Variants in TENT4B observed in about 807,000 individuals in gnomAD.
TENT4B encodes terminal nucleotidyltransferase 4B.
Under a neutral mutation model 75.0 loss-of-function variants are expected in TENT4B, and 10 were observed. That is an observed-to-expected ratio of 0.13 (90% CI 0.08 to 0.23). The LOEUF (loss-of-function observed/expected upper bound fraction) is 0.23. Ranked by LOEUF, TENT4B falls within the 10% of genes least tolerant of loss-of-function variation. TENT4B has a pLI of 1.00. For synonymous variants in TENT4B, 350 were observed against 357.7 expected (o/e 0.98, Z 0.24); for missense variants, 579 against 893.8 (o/e 0.65, Z 4.49).
In TENT4B at chr16:50,233,327, T is replaced by C. The variant is rs1301807584; in HGVS notation, c.*3999T>C. The C allele has an allele frequency of 1.0e-6, 1 of 985,300 alleles. No homozygotes were observed. The highest frequency in any genetic ancestry group is 1.7e-5 in the African/African-American group (1 of 57,234). The allele number at this position is 985,300 out of a possible 1,614,324, so 61.0% of individuals were successfully genotyped here. A position where few individuals can be genotyped will look rare whatever the true frequency, so the allele number is the denominator to read the frequency against. On this transcript the variant is annotated 3_prime_UTR_variant, in exon 12 of 12. Coordinates refer to ENST00000561678, the MANE Select transcript of TENT4B (RefSeq NM_001365324.3). ...GCCATCTTGTCAAAACATTTGTGGG[T>C]AGAATAAGTGTTAAAGATCAAATTT...
chr16:50,212,305 G>A (rs967321371), intron 2 of TENT4B, among the ~76,000 whole-genome samples: 2 of 152,036 alleles, frequency 1.3e-5, no homozygotes, highest in African/African-American at 4.8e-5. Context: ...CAATGTGCCC[G>A]CCTTGGCCTC....
chr16:50,214,871 A>G (rs559023011), intron 3 of TENT4B, among the ~76,000 whole-genome samples: 5 of 152,312 alleles, frequency 3.3e-5, no homozygotes, highest in African/African-American at 9.6e-5. Flanking sequence ...ACTGACACAG[A>G]TGTTAATGTA....
In TENT4B at chr16:50,211,303, T is replaced by G. The variant is rs758541834; in HGVS notation, c.639-20T>G. The stretch of plus-strand genomic sequence containing the variant: ...TTAGATTGGCCCTGTTCATATTAAC[T>G]TTTCTGTTTTTTTCTTCAGTCTGCA... On this transcript the variant is annotated intron_variant, in intron 1 of 11. Coordinates refer to ENST00000561678, the MANE Select transcript of TENT4B (RefSeq NM_001365324.3). 3 of 1,599,894 alleles carry G rather than the reference T, an allele frequency of 1.9e-6. No homozygotes were observed. Among genetic ancestry groups the G allele is most frequent in the Admixed American group, 1.8e-5 (1 of 56,742 alleles).
chr16:50,196,666 G>T (rs1312330587), intron 1 of TENT4B, among the ~76,000 whole-genome samples: 1 of 152,004 alleles, frequency 6.6e-6, no homozygotes, highest in African/African-American at 2.4e-5. Context: ...AGTGCCTCAT[G>T]CCTGTAATCC....
chr16:50,217,288 AAAT>A (rs1236243585), intron 4 of TENT4B, among the ~76,000 whole-genome samples: 3 of 152,220 alleles, frequency 2.0e-5, no homozygotes, highest in Non-Finnish European at 4.4e-5. Flanking sequence ...TAAACAATAA[AAAT>A]AAATAATAAA....
Position 50,234,326 on chromosome 16 carries a change from A to G in TENT4B, c.*4998A>G. 1.0e-6 allele frequency: 1 copy of G among 982,178 alleles called. No individual in the cohort carries two copies. The allele number at this position is 982,178 out of a possible 1,614,324, so 60.8% of individuals were successfully genotyped here. A position where few individuals can be genotyped will look rare whatever the true frequency, so the allele number is the denominator to read the frequency against. ...TGGTGGAATTGGGTAGGGGAGGGAA[A>G]GGAGGACTTGGAAAAGCATTCTCCA... On this transcript the variant is annotated 3_prime_UTR_variant, in exon 12 of 12. Transcript: ENST00000561678.
chr16:50,166,176 A>T (rs7192461), intron 1 of TENT4B, among the ~76,000 whole-genome samples: 1 of 151,464 alleles, frequency 6.6e-6, no homozygotes, highest in African/African-American at 2.4e-5. Flanking sequence ...TCCACCTCCC[A>T]GGTTCAAGCA....
chr16:50,216,217 A>G (rs1192387656), intron 4 of TENT4B, 22 bp downstream of exon 4: 5 of 1,613,446 alleles, frequency 3.1e-6, no homozygotes, highest in East Asian at 4.5e-5. Flanking sequence ...AGCATTTCAT[A>G]TTAAAATCCT....
Position 50,232,785 on chromosome 16 carries a change from A to G in TENT4B, c.*3457A>G, listed in dbSNP as rs989726001. 3 of 985,236 alleles carry G rather than the reference A, an allele frequency of 3.0e-6. No individual in the cohort carries two copies. Among genetic ancestry groups the G allele is most frequent in the Admixed American group, 1.2e-4 (2 of 16,266 alleles). The allele number at this position is 985,236 out of a possible 1,614,324, so 61.0% of individuals were successfully genotyped here. A position where few individuals can be genotyped will look rare whatever the true frequency, so the allele number is the denominator to read the frequency against. ...TGATACTTTTATTGGTCATGACTACATCTCAGTTTTACTTTAATATTGATC... is the reference window on the plus strand; with the variant it reads ...TGATACTTTTATTGGTCATGACTACGTCTCAGTTTTACTTTAATATTGATC... On this transcript the variant is annotated 3_prime_UTR_variant, in exon 12 of 12. Transcript: ENST00000561678.
chr16:50,209,153 A>G (rs1596727032), intron 1 of TENT4B, among the ~76,000 whole-genome samples: 1 of 152,192 alleles, frequency 6.6e-6, no homozygotes, highest in East Asian at 1.9e-4. Context: ...ATGCAGTCAC[A>G]TTTAGGAGAT....
chr16:50,227,769 T>C, intron 10 of TENT4B, 70 bp from the exon 11 acceptor site: 6 of 1,552,004 alleles, frequency 3.9e-6, no homozygotes, highest in Non-Finnish European at 4.4e-6. Flanking sequence ...ACCAAAATTG[T>C]TTTTCTTTCT....
At chr16:50,153,033 G>C (rs898867858), upstream of TENT4B, 5 of 1,513,580 alleles carry the variant, frequency 3.3e-6, no homozygotes, top group Admixed American at 2.0e-5. Context: ...GGACGCCCAG[G>C]TACGTGGGAG....
At chr16:50,182,138 G>A (rs1182142354) in intron 1 of TENT4B, among the ~76,000 whole-genome samples, 5 of 152,094 alleles carry the variant, frequency 3.3e-5, no homozygotes, top group Admixed American at 6.6e-5. Flanking sequence ...GCAGTGGTAC[G>A]TGCATGTGGT....
intron 1 of TENT4B, among the ~76,000 whole-genome samples, chr16:50,168,163 T>C (rs752657995): frequency 6.6e-6 from 1 of 152,172 alleles, no homozygotes; most frequent in Non-Finnish European, 1.5e-5. Context: ...TTGTAGTATT[T>C]ACTGACAATT....
intron 1 of TENT4B, among the ~76,000 whole-genome samples, chr16:50,199,310 C>T (rs1483353959): frequency 6.6e-6 from 1 of 152,224 alleles, no homozygotes; most frequent in Non-Finnish European, 1.5e-5. Flanking sequence ...GCTGGCTTTG[C>T]AGTGCAGCCT....
At position 50,229,468 on chromosome 16, in the gene TENT4B, A is replaced by G; in HGVS notation, c.*140A>G. On this transcript the variant is annotated 3_prime_UTR_variant, in exon 12 of 12. Transcript: ENST00000561678. ...CAACTGCGTTTTTTCCCAGCTCGCCACAGAATGGATCATGAAGACTGACAA... is the reference window on the plus strand; with the variant it reads ...CAACTGCGTTTTTTCCCAGCTCGCCGCAGAATGGATCATGAAGACTGACAA... 5 of 1,292,228 alleles carry G rather than the reference A, an allele frequency of 3.9e-6. No individual in the cohort carries two copies. The highest frequency in any genetic ancestry group is 4.9e-6 in the Non-Finnish European group (5 of 1,021,826). 80.0% of individuals were successfully genotyped at this position (1,292,228 alleles called of 1,614,324 possible). A position where few individuals can be genotyped will look rare whatever the true frequency, so the allele number is the denominator to read the frequency against.
chr16:50,169,163 C>T (rs1215270862), intron 1 of TENT4B, among the ~76,000 whole-genome samples: 1 of 152,020 alleles, frequency 6.6e-6, no homozygotes, highest in Non-Finnish European at 1.5e-5. Context: ...TATTTCAAAG[C>T]ATTGTTTGAG....
In TENT4B at chr16:50,229,924, T is replaced by A. The variant is rs2032222799; in HGVS notation, c.*596T>A. 3.2e-6 allele frequency: 3 copies of A among 930,534 alleles called. No individual in the cohort carries two copies. The highest frequency in any genetic ancestry group is 1.3e-6 in the Non-Finnish European group (1 of 780,124). The allele number at this position is 930,534 out of a possible 1,614,324, so 57.6% of individuals were successfully genotyped here. A position where few individuals can be genotyped will look rare whatever the true frequency, so the allele number is the denominator to read the frequency against. ...ATTACTGTTTAAATTGTAAACAGAT[T>A]TTTTCTCAGGATTAGTTTGAAAAAT... is the stretch of plus-strand genomic sequence containing the variant. On this transcript the variant is annotated 3_prime_UTR_variant, in exon 12 of 12. Coordinates refer to ENST00000561678, the MANE Select transcript of TENT4B (RefSeq NM_001365324.3).
At chr16:50,162,583 A>G (rs1165985342) in intron 1 of TENT4B, among the ~76,000 whole-genome samples, 1 of 152,168 alleles carries the variant, frequency 6.6e-6, no homozygotes, top group Non-Finnish European at 1.5e-5. Flanking sequence ...TTTTTATTTT[A>G]AAACATCTTG....
Sources: gnomAD v4.1 joint callset for allele counts (sites outside exome capture counted in the v4.1 genomes callset) on GRCh38, gnomAD v4.1.1 for gene constraint, MANE v1.5 for transcripts, NCBI Gene and HGNC (gene_info 2026-07-23, HGNC 2026-07-21) for gene names.